PDGFRB: variants seen among roughly 807,000 people sequenced by gnomAD.
PDGFRB encodes the protein platelet-derived growth factor receptor beta.
PDGFRB carries 42 observed loss-of-function variants against 120.2 expected under a neutral mutation model. The ratio of observed to expected loss-of-function variants is 0.35; its 90% CI spans 0.27 to 0.45. PDGFRB has a LOEUF of 0.45. PDGFRB is among the 20% of genes least tolerant of loss of function. PDGFRB has a pLI of 1.00. For missense variants in PDGFRB, 1,149 were observed against 1,476.3 expected, an observed-to-expected ratio of 0.78 and a Z score of 3.63; for synonymous variants, 586 against 606.8, an observed-to-expected ratio of 0.97 and a Z score of 0.50.
chr5:150,137,071 A>G lies in PDGFRB; in HGVS notation c.-6-18T>C. On this transcript the variant is annotated intron_variant, in intron 1 of 22. Coordinates refer to ENST00000261799, the MANE Select transcript of PDGFRB (RefSeq NM_002609.4). Reference sequence around the variant, plus strand: ...ATGGTGTCCTGCAGAGTTAAACAGGAGTCAGGGCCCAGGGCAGGTGGAGGC... The same window carrying G: ...ATGGTGTCCTGCAGAGTTAAACAGGGGTCAGGGCCCAGGGCAGGTGGAGGC... 1 of 1,610,652 alleles carries G rather than the reference A, an allele frequency of 6.2e-7. No homozygotes were observed. The highest frequency in any genetic ancestry group is 8.5e-7 in the Non-Finnish European group (1 of 1,177,998).
chr5:150,151,054 T>C (rs1451881424), intron 1 of PDGFRB, among the ~76,000 whole-genome samples: 1 of 152,172 alleles, frequency 6.6e-6, no homozygotes, highest in East Asian at 1.9e-4. Flanking sequence ...AAGTTCCTCA[T>C]TGTTATTGCA....
At chr5:150,154,924 G>A (rs1449095305) in intron 1 of PDGFRB, among the ~76,000 whole-genome samples, 1 of 152,234 alleles carries the variant, frequency 6.6e-6, no homozygotes, top group Non-Finnish European at 1.5e-5. Context: ...AATCCCCAGA[G>A]GTTGCCTGGC....
chr5:150,155,297 CT>C lies in PDGFRB; in HGVS notation c.-7+99del, dbSNP rs35505256. 9.7e-3 allele frequency: 1,161 copies of C among 119,912 alleles called. 1 individual carries two copies. The highest frequency in any genetic ancestry group is 0.019 in the East Asian group (81 of 4,356). The allele number at this position is 119,912 out of a possible 1,614,324, so 7.4% of individuals were successfully genotyped here. A position where few individuals can be genotyped will look rare whatever the true frequency, so the allele number is the denominator to read the frequency against. On this transcript the variant is annotated intron_variant, in intron 1 of 22. Coordinates refer to ENST00000261799, the MANE Select transcript of PDGFRB (RefSeq NM_002609.4). ...TCTTGTTTTGTTAAAAATATCTTCC[CT>C]TTTTTTTTTTTTTTTTTTTTTTACC...
intron 1 of PDGFRB, among the ~76,000 whole-genome samples, chr5:150,148,532 G>A (rs775213795): frequency 2.0e-5 from 3 of 152,250 alleles, no homozygotes; most frequent in East Asian, 1.9e-4. Flanking sequence ...AACAGGCTGC[G>A]CCTGATGCCA....
At chr5:150,130,700 T>C (rs747246937) in intron 8 of PDGFRB, 38 bp from the exon 9 acceptor site, 1 of 1,606,160 alleles carries the variant, frequency 6.2e-7, no homozygotes, top group South Asian at 1.1e-5. Context: ...GGCGGGAGGG[T>C]CAGGACAGTT....
chr5:150,117,698 G>A lies in PDGFRB; in HGVS notation c.3057C>T (p.Asn1019=), dbSNP rs769027565. 35 of 1,613,586 alleles carry A rather than the reference G, an allele frequency of 2.2e-5. No homozygotes were observed. Among genetic ancestry groups the A allele is most frequent in the Admixed American group, 1.0e-4 (6 of 60,002 alleles). ...GGTCAGGCAGGGGGATGATATAGTC[G>A]TTGTCACCCTCATTGGGCTGCACGG... The part of the protein sequence containing the change: ...YTAVQPNEGD[N]DYIIPLPDPK... The change falls in exon 22 of 23, where the codon AAC becomes AAT. Residue 1019 remains asparagine, a synonymous_variant. Coordinates refer to ENST00000261799, the MANE Select transcript of PDGFRB (RefSeq NM_002609.4).
intron 11 of PDGFRB, among the ~76,000 whole-genome samples, chr5:150,125,832 C>A (rs536360069): frequency 6.6e-6 from 1 of 152,224 alleles, no homozygotes. Context: ...GAGGGCCTGG[C>A]TCATGAGAAC....
rs568728923 is a variant in PDGFRB at position 150,135,816 on chromosome 5, C to T, written c.103G>A (p.Val35Ile). The T allele has an allele frequency of 2.2e-5, 35 of 1,578,762 alleles. No individual in the cohort carries two copies. The African/African-American group carries it at 2.6e-4, about 12-fold the overall frequency. ...LEPQISQGLV[V>I]TPPGPELVLN... ...ACAAGCTCTGGCCCCGGGGGTGTGA[C>T]GACCAGGCCCTGAGAGATCTGTGGT... The change falls in exon 3 of 23, where the codon GTC becomes ATC. Residue 35 changes from valine (V) to isoleucine (I), a missense_variant. Val to Ile is a conservative substitution (Grantham distance 29, BLOSUM62 3). Around this residue, in one of 3 missense-constraint regions of PDGFRB, gnomAD observed 879 missense variants for 1,108.6 expected, o/e 0.79. Coordinates refer to ENST00000261799, the MANE Select transcript of PDGFRB (RefSeq NM_002609.4).
intron 11 of PDGFRB, among the ~76,000 whole-genome samples, chr5:150,126,161 A>G (rs1760286131): frequency 6.6e-6 from 1 of 152,248 alleles, no homozygotes; most frequent in Non-Finnish European, 1.5e-5. Flanking sequence ...AATGCATTTC[A>G]GTAGAATCAC....
At position 150,133,893 on chromosome 5, in the gene PDGFRB, G is replaced by T. The variant is rs1562009504; in HGVS notation, c.747C>A (p.Tyr249Ter). ...GNEVVNFEWT[Y>*]PRKESGRLVE... The stretch of plus-strand genomic sequence containing the variant: ...GGCCCCACATTACTTCTTTGCGGGG[G>T]TATGTCCACTCGAAGTTGACCACCT... The change falls in exon 5 of 23, where the codon TAC becomes TAA. Residue 249 changes from tyrosine (Y) to a stop codon, truncating the protein, a stop_gained. Coordinates refer to ENST00000261799, the MANE Select transcript of PDGFRB (RefSeq NM_002609.4). LOFTEE classifies it high-confidence loss of function. 6.2e-7 allele frequency: 1 copy of T among 1,614,004 alleles called. No homozygotes were observed. The highest frequency in any genetic ancestry group is 1.7e-5 in the Admixed American group (1 of 60,000).
chr5:150,147,897 T>C (rs965532378), intron 1 of PDGFRB, among the ~76,000 whole-genome samples: 1 of 152,204 alleles, frequency 6.6e-6, no homozygotes. Context: ...ACATTATTAT[T>C]ATTCATTCAC....
chr5:150,135,680 G>A lies in PDGFRB; in HGVS notation c.239C>T (p.Thr80Ile), dbSNP rs1760607501. The A allele has an allele frequency of 6.2e-7, 1 of 1,613,986 alleles. No individual in the cohort carries two copies. ...PQEMAKAQDG[T>I]FSSVLTLTNL... ...GGTCAGTGTGAGCACGCTGGAGAAG[G>A]TGCCATCCTGGGCCTTGGCCATTTC... is the stretch of plus-strand genomic sequence containing the variant. The change falls in exon 3 of 23, where the codon ACC (threonine) becomes ATC (isoleucine). Residue 80 changes from threonine (T) to isoleucine (I), a missense_variant. This residue lies in a region of PDGFRB where 879 missense variants were observed against 1,108.6 expected (regional missense o/e 0.79). Transcript: ENST00000261799.
chr5:150,117,261 T>G (rs186583869), intron 22 of PDGFRB, among the ~76,000 whole-genome samples: 7 of 152,180 alleles, frequency 4.6e-5, no homozygotes, highest in Admixed American at 3.9e-4. Context: ...GAGTAACAGC[T>G]GGGGTGCTGG....
chr5:150,117,908 CAGGGATCT>C, intron 21 of PDGFRB, 58 bp from the exon 22 acceptor site: 1 of 944,138 alleles, frequency 1.1e-6, no homozygotes, highest in South Asian at 1.5e-5. Context: ...GAAATGCCTT[CAGGGATCT>C]TCTAACCGAG....
intron 20 of PDGFRB, among the ~76,000 whole-genome samples, 168 bp from the exon 21 acceptor site, chr5:150,119,020 T>C (rs1201025972): frequency 6.6e-6 from 1 of 152,172 alleles, no homozygotes; most frequent in Non-Finnish European, 1.5e-5. Flanking sequence ...GATATTCCCT[T>C]GGGAGGCCCT....
At chr5:150,143,942 AT>A (rs1760848048) in intron 1 of PDGFRB, among the ~76,000 whole-genome samples, 1 of 152,098 alleles carries the variant, frequency 6.6e-6, no homozygotes, top group African/African-American at 2.4e-5. Context: ...TGTTGGAGCC[AT>A]TCTCTGTGCC....
intron 9 of PDGFRB, 62 bp downstream of exon 9, chr5:150,130,477 C>T (rs1760431741): frequency 1.9e-6 from 3 of 1,549,360 alleles, no homozygotes; most frequent in Non-Finnish European, 2.6e-6. Flanking sequence ...GACTAGATAA[C>T]CTTCACGAGC....
chr5:150,141,499 A>G (rs1384131184), intron 1 of PDGFRB, among the ~76,000 whole-genome samples: 1 of 152,218 alleles, frequency 6.6e-6, no homozygotes, highest in South Asian at 2.1e-4. Context: ...AGGAACACAG[A>G]GCCAGAAGGG....
chr5:150,117,826 A>G lies in PDGFRB; in HGVS notation c.2929T>C (p.Phe977Leu), dbSNP rs1760009585. 6.2e-7 allele frequency: 1 copy of G among 1,611,198 alleles called. No individual in the cohort carries two copies. Among genetic ancestry groups the G allele is most frequent in the Non-Finnish European group, 8.5e-7 (1 of 1,178,118 alleles). Residue 977 changes from phenylalanine (F) to leucine (L), a missense_variant, in exon 22 of 23, where the codon TTT becomes CTT. Phe to Leu is a conservative substitution (Grantham distance 22, BLOSUM62 0). Transcript: ENST00000261799. ...KKKYQQVDEE[F>L]LRSDHPAILR... ...ATGGCTGGGTGGTCACTCCTCAGAA[A>G]CTCCTCATCCACCTGCTGGTACTTC...
Sources: allele counts gnomAD v4.1 joint callset (sites outside exome capture counted in the v4.1 genomes callset), GRCh38; gene constraint gnomAD v4.1.1; regional missense constraint gnomAD v4.1.1; transcripts MANE v1.5; gene names NCBI Gene and HGNC (gene_info 2026-07-23, HGNC 2026-07-21).